The following NIM1K variants were observed in gnomAD, a reference collection of about 807,000 sequenced individuals.
The protein encoded by NIM1K is serine/threonine-protein kinase NIM1.
Under a neutral mutation model 37.1 loss-of-function variants are expected in NIM1K, and 35 were observed. The observed-to-expected ratio is 0.94, with a 90% CI of 0.72 to 1.25. The LOEUF (loss-of-function observed/expected upper bound fraction) is 1.25, where lower values mean the gene tolerates loss of function less well. NIM1K is among the 50% of genes most tolerant of loss of function. NIM1K has a pLI of 0.00. For synonymous variants in NIM1K, 234 were observed against 206.6 expected (o/e 1.13, Z -1.14); for missense variants, 564 against 548.0 (o/e 1.03, Z -0.29).
At chr5:43,220,251 T>C (rs1752361370) in intron 1 of NIM1K, among the ~76,000 whole-genome samples, 1 of 151,896 alleles carries the variant, frequency 6.6e-6, no homozygotes, top group East Asian at 1.9e-4. Flanking sequence ...GTTTATGGTC[T>C]AAGGTAAAGG....
chr5:43,210,612 CATT>C (rs1752189716), intron 1 of NIM1K, among the ~76,000 whole-genome samples: 1 of 152,046 alleles, frequency 6.6e-6, no homozygotes, highest in South Asian at 2.1e-4. Flanking sequence ...TTGAGGAAAA[CATT>C]ATATGCAGGG....
chr5:43,238,039 A>ATTTTTT (rs71608701), intron 1 of NIM1K, among the ~76,000 whole-genome samples: 26 of 120,610 alleles, frequency 2.2e-4, no homozygotes, highest in South Asian at 5.3e-4. Context: ...CTTCAATTTA[A>ATTTTTT]TTTTTTTTTT....
At chr5:43,233,180 T>G in intron 1 of NIM1K, 3 of 1,209,288 alleles carry the variant, frequency 2.5e-6, no homozygotes, top group Non-Finnish European at 2.4e-6. Context: ...GCATGATTAC[T>G]GCTTCACGGC....
At chr5:43,232,540 T>G (rs1304032344) in intron 1 of NIM1K, 1 of 1,578,760 alleles carries the variant, frequency 6.3e-7, no homozygotes, top group East Asian at 2.2e-5. Flanking sequence ...ATGCCAGATA[T>G]CATAAGTGGC....
intron 3 of NIM1K, 61 bp from the exon 4 acceptor site, chr5:43,279,919 T>TA: frequency 4.5e-6 from 6 of 1,340,806 alleles, no homozygotes; most frequent in South Asian, 1.3e-5. Context: ...GAGCAACTGA[T>TA]ACATTTTTTA....
At chr5:43,262,224 A>T (rs1383676006) in intron 2 of NIM1K, among the ~76,000 whole-genome samples, 1 of 152,144 alleles carries the variant, frequency 6.6e-6, no homozygotes, top group Non-Finnish European at 1.5e-5. Flanking sequence ...CACGATATTG[A>T]TTCTTCCTAT....
At chr5:43,264,212 A>C (rs1753084038) in intron 2 of NIM1K, among the ~76,000 whole-genome samples, 1 of 152,156 alleles carries the variant, frequency 6.6e-6, no homozygotes, top group Admixed American at 6.5e-5. Context: ...TCTAATGTTG[A>C]CAGTGGGGTG....
At chr5:43,241,529 C>T (rs551596239) in intron 1 of NIM1K, among the ~76,000 whole-genome samples, 8 of 151,748 alleles carry the variant, frequency 5.3e-5, no homozygotes, top group Non-Finnish European at 1.2e-4. Context: ...TCAGTAGAGA[C>T]GAGGTTTCAC....
At chr5:43,269,775 C>T (rs202002040) in intron 2 of NIM1K, among the ~76,000 whole-genome samples, 9 of 152,140 alleles carry the variant, frequency 5.9e-5, no homozygotes, top group South Asian at 2.1e-4. Context: ...CCCGCCACTA[C>T]GCCTGGCTAA....
rs376483405 is a variant in NIM1K at position 43,242,414 on chromosome 5, C to T, written c.-694-2668C>T. On this transcript the variant is annotated intron_variant, in intron 1 of 3. Transcript: ENST00000326035. ...GCAGGTGCAGAGAGAGGCAGGAGGCCTGGTGCCTGTGGGGAGCTGATTCTT... is the reference window on the plus strand; with the variant it reads ...GCAGGTGCAGAGAGAGGCAGGAGGCTTGGTGCCTGTGGGGAGCTGATTCTT... Among the ~76,000 whole-genome samples, 23 of 151,190 alleles carry T rather than the reference C, an allele frequency of 1.5e-4. No homozygotes were observed. In the East Asian group the frequency reaches 4.3e-3, roughly 28 times the overall value.
chr5:43,202,498 G>T (rs1051828698), intron 1 of NIM1K, among the ~76,000 whole-genome samples: 1 of 152,140 alleles, frequency 6.6e-6, no homozygotes, highest in East Asian at 1.9e-4. Context: ...AATACAAAAT[G>T]CGAGATTAAA....
intron 1 of NIM1K, among the ~76,000 whole-genome samples, chr5:43,195,535 C>T (rs60289145): frequency 0.062 from 9,491 of 151,922 alleles, 343 homozygotes; most frequent in Middle Eastern, 0.082. Flanking sequence ...TGGTGCATGC[C>T]TGTAGTCCCA....
chr5:43,257,565 G>A (rs1456638063), intron 2 of NIM1K, among the ~76,000 whole-genome samples: 2 of 151,712 alleles, frequency 1.3e-5, no homozygotes, highest in Non-Finnish European at 2.9e-5. Flanking sequence ...GTTAGCCAGG[G>A]TAGTCTCGAT....
chr5:43,253,787 G>A (rs1024913758), intron 2 of NIM1K, among the ~76,000 whole-genome samples: 9 of 151,826 alleles, frequency 5.9e-5, no homozygotes, highest in Admixed American at 5.9e-4. Context: ...AGTCTCCTGA[G>A]TAGCTGGGAT....
intron 2 of NIM1K, among the ~76,000 whole-genome samples, chr5:43,259,351 C>T (rs1752994228): frequency 1.3e-5 from 2 of 152,178 alleles, no homozygotes; most frequent in Non-Finnish European, 2.9e-5. Context: ...ATTTAGAAAT[C>T]TCCATTCTGT....
intron 1 of NIM1K, among the ~76,000 whole-genome samples, chr5:43,216,898 G>T (rs987749101): frequency 6.6e-6 from 1 of 152,290 alleles, no homozygotes; most frequent in Non-Finnish European, 1.5e-5. Context: ...GGGAGCCGCT[G>T]GATGGATGGT....
At chr5:43,276,931 T>G in intron 2 of NIM1K, 126 bp from the exon 3 acceptor site, 4 of 906,356 alleles carry the variant, frequency 4.4e-6, no homozygotes, top group Non-Finnish European at 3.5e-6. Context: ...CATTCCCTGA[T>G]GAGCTCTCTC....
intron 1 of NIM1K, among the ~76,000 whole-genome samples, chr5:43,211,244 G>A (rs60608366): frequency 2.0e-5 from 3 of 152,104 alleles, no homozygotes; most frequent in African/African-American, 7.2e-5. Flanking sequence ...TTATGGGAGG[G>A]GGGTGGAAAG....
intron 1 of NIM1K, among the ~76,000 whole-genome samples, chr5:43,221,287 C>T (rs533042337): frequency 9.9e-5 from 15 of 151,688 alleles, no homozygotes; most frequent in African/African-American, 3.4e-4. Flanking sequence ...CCAGCTTGGC[C>T]AACATAATGA....
Sources: allele counts gnomAD v4.1 joint callset (sites outside exome capture counted in the v4.1 genomes callset), GRCh38; gene constraint gnomAD v4.1.1; transcripts MANE v1.5; gene names NCBI Gene and HGNC (gene_info 2026-07-23, HGNC 2026-07-21).